Variants in OTOGL observed in about 807,000 individuals in gnomAD.
The protein encoded by OTOGL is otogelin-like protein.
A neutral mutation model predicts 318.5 loss-of-function variants in OTOGL; 285 were observed. That is an observed-to-expected ratio of 0.89 (90% CI 0.81 to 0.99). The LOEUF is 0.99. Ranked by LOEUF, OTOGL falls within the 50% of genes least tolerant of loss-of-function variation. The probability of loss-of-function intolerance (pLI) is 0.00; values close to 1 mark genes in which losing one functional copy is unlikely to be tolerated. For synonymous variants in OTOGL, 987 were observed against 936.5 expected, an observed-to-expected ratio of 1.05 and a Z score of -0.99; for missense variants, 2,899 against 2,845.6, an observed-to-expected ratio of 1.02 and a Z score of -0.43.
chr12:80,217,158 T>C (rs1877809330), intron 4 of OTOGL, among the ~76,000 whole-genome samples: 1 of 151,976 alleles, frequency 6.6e-6, no homozygotes, highest in African/African-American at 2.4e-5. Context: ...TTTCCAAACC[T>C]ATCTGCGCCT....
At chr12:80,363,536 A>G (rs992961664) in intron 52 of OTOGL, among the ~76,000 whole-genome samples, 45 of 64,130 alleles carry the variant, frequency 7.0e-4, no homozygotes, top group African/African-American at 2.9e-3. Flanking sequence ...GGGGTTGGGG[A>G]GTGGGAAGAG....
intron 4 of OTOGL, among the ~76,000 whole-genome samples, chr12:80,214,060 C>T (rs1426964764): frequency 1.5e-4 from 23 of 152,304 alleles, no homozygotes; most frequent in African/African-American, 4.3e-4. Flanking sequence ...GGCCTCTCTC[C>T]GTCCTGTGGA....
intron 1 of OTOGL, among the ~76,000 whole-genome samples, chr12:80,192,305 GC>G (rs1875748854): frequency 6.6e-6 from 1 of 152,306 alleles, no homozygotes; most frequent in South Asian, 2.1e-4. Flanking sequence ...TCTAGGAGGG[GC>G]CCCGCCTGCT....
intron 1 of OTOGL, among the ~76,000 whole-genome samples, chr12:80,110,241 G>A (rs1450991891): frequency 6.6e-6 from 1 of 151,792 alleles, no homozygotes; most frequent in Non-Finnish European, 1.5e-5. Context: ...CTAATTTTTT[G>A]TATTTTTAGT....
chr12:80,341,008 C>G (rs1263931000), intron 43 of OTOGL, among the ~76,000 whole-genome samples: 1 of 149,894 alleles, frequency 6.7e-6, no homozygotes, highest in Non-Finnish European at 1.5e-5. Context: ...GCATTGCAAC[C>G]TTTATTCATC....
At chr12:80,110,309 C>T (rs375973609) in intron 1 of OTOGL, among the ~76,000 whole-genome samples, 12 of 152,094 alleles carry the variant, frequency 7.9e-5, no homozygotes, top group African/African-American at 1.9e-4. Flanking sequence ...CCTCAGGCTC[C>T]GCCTGCCTTG....
chr12:80,253,536 T>C lies in OTOGL; in HGVS notation c.1356T>C (p.Tyr452=), dbSNP rs1227230164. ...CATGCGGTTTTCATGGATTAGCTTA[T>C]TCAGTTGGTTCAAAAATTGAACAAG... ...NCPCGFHGLA[Y]SVGSKIEQEC... The change falls in exon 14 of 59, where the codon TAT becomes TAC. Residue 452 remains tyrosine (Y), a synonymous_variant. Coordinates refer to ENST00000547103, the MANE Select transcript of OTOGL (RefSeq NM_001378609.3). 6.2e-7 allele frequency: 1 copy of C among 1,612,908 alleles called. No individual in the cohort carries two copies. The highest frequency in any genetic ancestry group is 8.5e-7 in the Non-Finnish European group (1 of 1,179,008).
chr12:80,103,581 T>C (rs1026275565), intron 1 of OTOGL, among the ~76,000 whole-genome samples: 1 of 152,242 alleles, frequency 6.6e-6, no homozygotes, highest in South Asian at 2.1e-4. Flanking sequence ...ATTTAAAATG[T>C]AATTGAATAA....
chr12:80,302,511 G>A, intron 27 of OTOGL, 123 bp from the exon 28 acceptor site: 5 of 584,472 alleles, frequency 8.6e-6, no homozygotes, highest in Non-Finnish European at 1.3e-5. Flanking sequence ...TTCAGAAAAG[G>A]CATGACCATG....
rs982321137 is a variant in OTOGL, at chr12:80,262,364, C to A, written c.2014+271C>A. ...TTCTTATTTTAGATGTTTAGAAATC[C>A]CTTGTTTGCAGATGTGGACTAGCAT... On this transcript the variant is annotated intron_variant, in intron 19 of 58. Coordinates refer to ENST00000547103, the MANE Select transcript of OTOGL (RefSeq NM_001378609.3). Among the ~76,000 whole-genome samples the A allele has an allele frequency of 3.3e-5, 5 of 151,298 alleles. No individual in the cohort carries two copies. In the South Asian group the frequency reaches 1.1e-3, roughly 32 times the overall value.
chr12:80,228,569 C>T (rs1879090100), intron 7 of OTOGL, among the ~76,000 whole-genome samples: 1 of 152,124 alleles, frequency 6.6e-6, no homozygotes. Context: ...TTTTCCACCT[C>T]TATAGTTGTA....
At chr12:80,151,739 C>A (rs189089681) in intron 1 of OTOGL, among the ~76,000 whole-genome samples, 39 of 152,272 alleles carry the variant, frequency 2.6e-4, no homozygotes, top group Non-Finnish European at 4.4e-4. Flanking sequence ...GAAGAGTCAA[C>A]TAGTTACTGA....
At chr12:80,102,144 T>C (rs1384122618) in intron 1 of OTOGL, among the ~76,000 whole-genome samples, 1 of 152,202 alleles carries the variant, frequency 6.6e-6, no homozygotes, top group Non-Finnish European at 1.5e-5. Flanking sequence ...GTGCACTTAC[T>C]AACTGTGTGA....
intron 7 of OTOGL, among the ~76,000 whole-genome samples, chr12:80,223,952 T>C (rs1028042289): frequency 2.5e-4 from 38 of 152,320 alleles, no homozygotes; most frequent in African/African-American, 8.7e-4. Context: ...TGTCTGTTTA[T>C]ATTTGTTTCT....
chr12:80,135,490 C>T (rs1565873267), intron 1 of OTOGL, among the ~76,000 whole-genome samples: 1 of 152,014 alleles, frequency 6.6e-6, no homozygotes, highest in Non-Finnish European at 1.5e-5. Context: ...TCAGGCTGGT[C>T]TCGAACTCCT....
intron 1 of OTOGL, among the ~76,000 whole-genome samples, chr12:80,183,347 T>A (rs1875061106): frequency 6.6e-6 from 1 of 152,216 alleles, no homozygotes; most frequent in African/African-American, 2.4e-5. Flanking sequence ...AGATATAAGA[T>A]TTGAAGTAGT....
Position 80,379,330 on chromosome 12 carries a change from C to T in OTOGL, c.*1282C>T, listed in dbSNP as rs2138137693. 1 of 152,062 alleles carries T rather than the reference C, an allele frequency of 6.6e-6. No homozygotes were observed. Among genetic ancestry groups the T allele is most frequent in the Non-Finnish European group, 1.5e-5 (1 of 67,880 alleles). The allele number at this position is 152,062 out of a possible 1,614,324, so 9.4% of individuals were successfully genotyped here. Reference sequence around the variant, plus strand: ...GCAGATACTGGGCCTCAAGGGTGGGCTTAGGCTTAAACTAGATTATCTGCT... The same window carrying T: ...GCAGATACTGGGCCTCAAGGGTGGGTTTAGGCTTAAACTAGATTATCTGCT... On this transcript the variant is annotated 3_prime_UTR_variant, in exon 59 of 59. Coordinates refer to ENST00000547103, the MANE Select transcript of OTOGL (RefSeq NM_001378609.3).
chr12:80,169,568 C>A (rs1874049644), intron 1 of OTOGL, among the ~76,000 whole-genome samples: 1 of 152,012 alleles, frequency 6.6e-6, no homozygotes, highest in Non-Finnish European at 1.5e-5. Context: ...TTTTGCTATG[C>A]AGTTTTATGA....
chr12:80,282,351 T>C (rs372368499), intron 26 of OTOGL, among the ~76,000 whole-genome samples: 23 of 152,046 alleles, frequency 1.5e-4, no homozygotes, highest in African/African-American at 5.3e-4. Flanking sequence ...AAATGAATAG[T>C]AAAATCTATA....
Sources: allele counts gnomAD v4.1 joint callset (sites outside exome capture counted in the v4.1 genomes callset), GRCh38; gene constraint gnomAD v4.1.1; transcripts MANE v1.5; gene names NCBI Gene and HGNC (gene_info 2026-07-23, HGNC 2026-07-21).